The following TCF20 variants were observed in gnomAD, a reference collection of about 807,000 sequenced individuals.
TCF20 encodes the protein SPRE-binding protein.
In TCF20, 3 loss-of-function variants were observed where a neutral mutation model predicts 148.6. The ratio of observed to expected loss-of-function variants is 0.02; its 90% CI spans 0.01 to 0.05. The LOEUF (loss-of-function observed/expected upper bound fraction) is 0.05. TCF20 is among the 10% of genes least tolerant of loss of function. The pLI is 1.00. For synonymous variants in TCF20, 1,049 were observed against 909.5 expected (o/e 1.15, Z -2.76); for missense variants, 2,350 against 2,429.3 (o/e 0.97, Z 0.69).
upstream of TCF20, among the ~76,000 whole-genome samples, chr22:42,286,848 A>G (rs1247632797): frequency 6.6e-6 from 1 of 152,186 alleles, no homozygotes; most frequent in African/African-American, 2.4e-5. Flanking sequence ...GTAGATAAGG[A>G]ATAGATGTGG....
intron 1 of TCF20, among the ~76,000 whole-genome samples, chr22:42,335,860 A>T (rs1035919405): frequency 6.6e-6 from 1 of 152,152 alleles, no homozygotes; most frequent in Non-Finnish European, 1.5e-5. Flanking sequence ...AGCCCTGCCC[A>T]AACCAGCAAC....
chr22:42,191,214 G>C (rs1937316824), intron 2 of TCF20, among the ~76,000 whole-genome samples: 1 of 152,148 alleles, frequency 6.6e-6, no homozygotes, highest in African/African-American at 2.4e-5. Context: ...TCATAACTCA[G>C]AAGGCCAACA....
At chr22:42,239,832 T>C (rs1924237288) in intron 1 of TCF20, among the ~76,000 whole-genome samples, 1 of 152,128 alleles carries the variant, frequency 6.6e-6, no homozygotes, top group Non-Finnish European at 1.5e-5. Context: ...GTTTAAAATA[T>C]TGGGAGAATT....
At chr22:42,203,501 T>C (rs962133244) in intron 2 of TCF20, among the ~76,000 whole-genome samples, 3 of 152,234 alleles carry the variant, frequency 2.0e-5, no homozygotes, top group Non-Finnish European at 4.4e-5. Flanking sequence ...ACTGAAAATT[T>C]CACTTGATTC....
At chr22:42,315,152 G>C (rs1013534772) in intron 1 of TCF20, among the ~76,000 whole-genome samples, 1 of 152,108 alleles carries the variant, frequency 6.6e-6, no homozygotes, top group Non-Finnish European at 1.5e-5. Context: ...CACCTCTAGA[G>C]ATTTCCCCAG....
intron 1 of TCF20, among the ~76,000 whole-genome samples, chr22:42,341,525 C>A (rs1465723209): frequency 6.6e-6 from 1 of 152,112 alleles, no homozygotes; most frequent in Admixed American, 6.5e-5. Flanking sequence ...GGTCAATCCT[C>A]GGCTTCTCAA....
intron 1 of TCF20, among the ~76,000 whole-genome samples, chr22:42,314,707 T>C (rs1927598835): frequency 6.6e-6 from 1 of 152,204 alleles, no homozygotes; most frequent in Non-Finnish European, 1.5e-5. Context: ...CAGTGCTGAC[T>C]GGCACAGTGC....
intron 1 of TCF20, among the ~76,000 whole-genome samples, chr22:42,336,723 CCAGA>C (rs1018347322): frequency 3.9e-5 from 6 of 152,194 alleles, no homozygotes; most frequent in Middle Eastern, 3.2e-3. Flanking sequence ...TGCCCCACAC[CCAGA>C]CAAACTCAGA....
intron 1 of TCF20, among the ~76,000 whole-genome samples, chr22:42,342,239 G>A (rs148943443): frequency 6.6e-6 from 1 of 152,284 alleles, no homozygotes; most frequent in East Asian, 1.9e-4. Flanking sequence ...AGTCATGGAT[G>A]GGGAGGAGGG....
rs185157341 is a variant in TCF20 at position 42,176,309 on chromosome 22, T to C, written c.5749+3300A>G. The stretch of plus-strand genomic sequence containing the variant: ...AAGGGGGAGGTAAGGGCAAGAAGGA[T>C]GTGAAAGGAATGGAGACATATGCTT... On this transcript the variant is annotated intron_variant, in intron 3 of 5. Coordinates refer to ENST00000677622, the MANE Select transcript of TCF20 (RefSeq NM_001378418.1). Among the ~76,000 whole-genome samples the C allele has an allele frequency of 1.5e-3, 228 of 152,196 alleles. 1 individual carries two copies. The highest frequency in any genetic ancestry group is 0.014 in the Middle Eastern group (4 of 294).
chr22:42,196,803 G>A (rs957587626), intron 2 of TCF20, among the ~76,000 whole-genome samples: 7 of 152,150 alleles, frequency 4.6e-5, no homozygotes, highest in African/African-American at 1.7e-4. Flanking sequence ...AACAATGTCA[G>A]GGCACCCAGG....
At chr22:42,315,882 G>T (rs1188898884) in intron 1 of TCF20, among the ~76,000 whole-genome samples, 1 of 152,128 alleles carries the variant, frequency 6.6e-6, no homozygotes, top group African/African-American at 2.4e-5. Flanking sequence ...GGGAGGCCGA[G>T]GTGGGTGGAT....
At chr22:42,168,918 G>A (rs1162452331) in intron 4 of TCF20, among the ~76,000 whole-genome samples, 182 bp from the exon 5 acceptor site, 1 of 151,920 alleles carries the variant, frequency 6.6e-6, no homozygotes, top group African/African-American at 2.4e-5. Flanking sequence ...CCCTTAAAAA[G>A]GGGAGTTCTA....
rs142287412 is a variant in TCF20, at chr22:42,210,187, G to A, written c.5119C>T (p.Leu1707=). The change falls in exon 2 of 6, where the codon CTG becomes TTG. Residue 1707 remains leucine, a synonymous_variant. Coordinates refer to ENST00000677622, the MANE Select transcript of TCF20 (RefSeq NM_001378418.1). This position sits in a 1 kb window ranked among gnomAD's most constrained non-coding sequence, Gnocchi z 4.7. Reference sequence around the variant, plus strand: ...CGGTAACTGGCCCACTTGCCACACAGACAGCAAACCAGGTGCCCCATAACC... The same window carrying A: ...CGGTAACTGGCCCACTTGCCACACAAACAGCAAACCAGGTGCCCCATAACC... ...SSVMGHLVCC[L]CGKWASYRNM... is the part of the protein sequence containing the mutation. 18 of 1,614,050 alleles carry A rather than the reference G, an allele frequency of 1.1e-5. No homozygotes were observed. The highest frequency in any genetic ancestry group is 1.4e-5 in the Non-Finnish European group (17 of 1,180,054).
At chr22:42,181,727 G>C (rs1328819941) in intron 2 of TCF20, among the ~76,000 whole-genome samples, 1 of 151,636 alleles carries the variant, frequency 6.6e-6, no homozygotes, top group African/African-American at 2.4e-5. Flanking sequence ...CCTGACCTCA[G>C]CCTCCCGAGT....
intron 1 of TCF20, among the ~76,000 whole-genome samples, chr22:42,262,595 T>C (rs1297837394): frequency 2.0e-5 from 3 of 152,048 alleles, no homozygotes; most frequent in African/African-American, 4.8e-5. Flanking sequence ...GATCATCATC[T>C]TATGAACAAA....
intron 5 of TCF20, among the ~76,000 whole-genome samples, chr22:42,167,069 G>A (rs1222680590): frequency 1.3e-5 from 2 of 152,204 alleles, no homozygotes; most frequent in East Asian, 3.8e-4. Context: ...ACTCGCTGAT[G>A]GTGGCAATGT....
upstream of TCF20, among the ~76,000 whole-genome samples, chr22:42,271,732 T>C (rs1926629063): frequency 6.6e-6 from 1 of 152,204 alleles, no homozygotes; most frequent in African/African-American, 2.4e-5. Context: ...GGCTCCCATC[T>C]GTCCTAGATG....
At chr22:42,335,405 T>C (rs147656267) in intron 1 of TCF20, among the ~76,000 whole-genome samples, 1 of 152,250 alleles carries the variant, frequency 6.6e-6, no homozygotes, top group East Asian at 1.9e-4. Flanking sequence ...TGTCTGTCAC[T>C]CCTACTCCAC....
Sources: allele counts gnomAD v4.1 joint callset (sites outside exome capture counted in the v4.1 genomes callset), GRCh38; gene constraint gnomAD v4.1.1; non-coding constraint Gnocchi (gnomAD v3.1); transcripts MANE v1.5; gene names NCBI Gene and HGNC (gene_info 2026-07-23, HGNC 2026-07-21).